The following TENM4 variants were observed in gnomAD, a reference collection of about 807,000 sequenced individuals.
TENM4 encodes teneurin-4.
TENM4 carries 82 observed loss-of-function variants against 243.3 expected under a neutral mutation model. The observed-to-expected ratio is 0.34, with a 90% confidence interval of 0.28 to 0.40. TENM4 has a LOEUF of 0.40. Ranked by LOEUF, TENM4 falls within the 10% of genes least tolerant of loss-of-function variation. The pLI is 1.00. For synonymous variants in TENM4, 1,412 were observed against 1,456.3 expected, an observed-to-expected ratio of 0.97 and a Z score of 0.69; for missense variants, 3,138 against 3,673.3, an observed-to-expected ratio of 0.85 and a Z score of 3.77.
intron 4 of TENM4, among the ~76,000 whole-genome samples, chr11:79,144,063 T>C (rs1009016332): frequency 2.5e-4 from 38 of 151,932 alleles, no homozygotes; most frequent in African/African-American, 8.9e-4. Context: ...TGACGACGCA[T>C]TAATAATCAG....
intron 12 of TENM4, among the ~76,000 whole-genome samples, chr11:78,840,353 T>C (rs1195488598): frequency 6.6e-6 from 1 of 151,906 alleles, no homozygotes; most frequent in Non-Finnish European, 1.5e-5. Flanking sequence ...AAAATCAGGC[T>C]GACATGTAAT....
chr11:79,011,622 C>T (rs530853908), intron 6 of TENM4, among the ~76,000 whole-genome samples: 1 of 152,228 alleles, frequency 6.6e-6, no homozygotes, highest in East Asian at 1.9e-4. Flanking sequence ...TGGTTGGAAC[C>T]CCAACAGGGG....
chr11:79,199,323 G>A (rs896234881), intron 3 of TENM4, among the ~76,000 whole-genome samples: 1 of 152,178 alleles, frequency 6.6e-6, no homozygotes, highest in African/African-American at 2.4e-5. Flanking sequence ...AATACAGTAA[G>A]CTGTATAAAC....
At chr11:79,348,627 T>G (rs958716131) in intron 1 of TENM4, among the ~76,000 whole-genome samples, 5 of 152,148 alleles carry the variant, frequency 3.3e-5, no homozygotes, top group African/African-American at 1.2e-4. Flanking sequence ...AGTGGTTTCA[T>G]AAGAAGAGGA....
chr11:78,785,350 C>T (rs1591022152), intron 16 of TENM4, among the ~76,000 whole-genome samples: 1 of 152,124 alleles, frequency 6.6e-6, no homozygotes, highest in African/African-American at 2.4e-5. Flanking sequence ...AGGGTGGAGG[C>T]TGGGCAGATT....
At position 78,756,997 on chromosome 11, in the gene TENM4, G is replaced by A; in HGVS notation, c.2564C>T (p.Pro855Leu). Residue 855 changes from proline (P) to leucine (L), a missense_variant, in exon 19 of 34, where the codon CCT becomes CTT. Transcript: ENST00000278550. ...GCACAGGGGCTGGAGGCAGCAGTCA[G>A]GGTCCATGCAGTCCACCAGGCCATC... ...DGDGLVDCMD[P>L]DCCLQPLCHI... is the part of the protein sequence containing the mutation. The A allele has an allele frequency of 1.2e-6, 2 of 1,613,930 alleles. No homozygotes were observed. The highest frequency in any genetic ancestry group is 3.3e-5 in the Admixed American group (2 of 60,024).
intron 6 of TENM4, among the ~76,000 whole-genome samples, chr11:79,015,697 C>T (rs599168): frequency 0.55 from 83,238 of 151,966 alleles, 23,576 homozygotes; most frequent in African/African-American, 0.61. Flanking sequence ...TCTGGCACTA[C>T]GCTTACTGCT....
chr11:79,168,194 A>T (rs1302250618), intron 3 of TENM4, among the ~76,000 whole-genome samples: 1 of 152,174 alleles, frequency 6.6e-6, no homozygotes, highest in African/African-American at 2.4e-5. Context: ...ACCTCAAGCC[A>T]TCCCTCAGCA....
chr11:79,374,845 C>T (rs1039069466), intron 1 of TENM4, among the ~76,000 whole-genome samples: 3 of 152,138 alleles, frequency 2.0e-5, no homozygotes, highest in South Asian at 2.1e-4. Flanking sequence ...ACGAAGCAGG[C>T]GAATGCGGTT....
At chr11:79,227,156 C>T (rs1227519182) in intron 2 of TENM4, among the ~76,000 whole-genome samples, 3 of 152,180 alleles carry the variant, frequency 2.0e-5, no homozygotes, top group Non-Finnish European at 4.4e-5. Flanking sequence ...GGCCACATAA[C>T]CCCCGTGGCT....
intron 16 of TENM4, among the ~76,000 whole-genome samples, chr11:78,785,395 G>T (rs566658054): frequency 3.5e-4 from 54 of 152,272 alleles, no homozygotes; most frequent in African/African-American, 1.2e-3. Flanking sequence ...GCCACGACAG[G>T]GCACAGTCTC....
intron 1 of TENM4, among the ~76,000 whole-genome samples, chr11:79,400,639 C>T (rs753171479): frequency 6.6e-6 from 1 of 152,182 alleles, no homozygotes. Flanking sequence ...GCCTCAGTTT[C>T]CTTGCTTACA....
chr11:79,383,119 C>A (rs532514141), intron 1 of TENM4, among the ~76,000 whole-genome samples: 1 of 152,284 alleles, frequency 6.6e-6, no homozygotes, highest in African/African-American at 2.4e-5. Flanking sequence ...TAGGTGTACC[C>A]TCTGAGTCCC....
At chr11:78,904,857 G>T (rs1457470459) in intron 6 of TENM4, among the ~76,000 whole-genome samples, 1 of 152,212 alleles carries the variant, frequency 6.6e-6, no homozygotes, top group Non-Finnish European at 1.5e-5. Flanking sequence ...TACCACAAAT[G>T]AGGCAAGTTG....
chr11:79,238,065 C>A (rs1179725117), intron 2 of TENM4, among the ~76,000 whole-genome samples: 1 of 152,216 alleles, frequency 6.6e-6, no homozygotes, highest in African/African-American at 2.4e-5. Context: ...GCAGCATTTT[C>A]AATTAAGCTG....
At chr11:78,886,982 T>C (rs1315513928) in intron 9 of TENM4, among the ~76,000 whole-genome samples, 1 of 152,184 alleles carries the variant, frequency 6.6e-6, no homozygotes, top group African/African-American at 2.4e-5. Context: ...TTGACTGCAA[T>C]AGTTTCCCAA....
intron 6 of TENM4, among the ~76,000 whole-genome samples, chr11:79,039,082 C>A (rs1474215500): frequency 2.0e-5 from 3 of 152,188 alleles, no homozygotes; most frequent in African/African-American, 7.2e-5. Flanking sequence ...AAAGAGAATG[C>A]AGAAAGTTCT....
At chr11:78,957,349 A>G (rs531543079) in intron 6 of TENM4, among the ~76,000 whole-genome samples, 43 of 152,342 alleles carry the variant, frequency 2.8e-4, no homozygotes, top group African/African-American at 1.0e-3. Context: ...CACGAAATTC[A>G]TAGTGAAAGA....
chr11:78,657,606 T>C lies in TENM4; in HGVS notation c.*452A>G. The C allele has an allele frequency of 3.0e-6, 1 of 338,026 alleles. No homozygotes were observed. The highest frequency in any genetic ancestry group is 5.5e-6 in the Non-Finnish European group (1 of 181,556). 20.9% of individuals were successfully genotyped at this position (338,026 alleles called of 1,614,324 possible). ...GGCCCCCTTGGAAGGGGTGTTGTAC[T>C]GGCCCATCACTCCCTTTACTCCTGC... is the stretch of plus-strand genomic sequence containing the variant. On this transcript the variant is annotated 3_prime_UTR_variant, in exon 34 of 34. Coordinates refer to ENST00000278550, the MANE Select transcript of TENM4 (RefSeq NM_001098816.3).
Sources: allele counts gnomAD v4.1 joint callset (sites outside exome capture counted in the v4.1 genomes callset), GRCh38; gene constraint gnomAD v4.1.1; transcripts MANE v1.5; gene names NCBI Gene and HGNC (gene_info 2026-07-23, HGNC 2026-07-21).